Variants in KANSL1L observed in about 807,000 individuals in gnomAD.
KANSL1L encodes the protein KAT8 regulatory NSL complex subunit 1-like protein.
A neutral mutation model predicts 108.6 loss-of-function variants in KANSL1L; 25 were observed. The ratio of observed to expected loss-of-function variants is 0.23; its 90% confidence interval spans 0.17 to 0.32. The LOEUF is 0.32. KANSL1L is among the 10% of genes least tolerant of loss of function. KANSL1L has a pLI of 1.00. For missense variants in KANSL1L, 1,137 were observed against 1,125.7 expected, an observed-to-expected ratio of 1.01 and a Z score of -0.14; for synonymous variants, 405 against 395.1, an observed-to-expected ratio of 1.03 and a Z score of -0.30.
chr2:210,065,579 A>ATTTTTTT (rs57999970), intron 6 of KANSL1L, among the ~76,000 whole-genome samples: 2 of 64,906 alleles, frequency 3.1e-5, no homozygotes, highest in Admixed American at 1.9e-4. Flanking sequence ...CCTGGACATG[A>ATTTTTTT]TTTTTTTTTT....
Position 210,139,787 on chromosome 2 carries a change from G to A in KANSL1L, c.1089-10615C>T, listed in dbSNP as rs377048922. Among the ~76,000 whole-genome samples the A allele has an allele frequency of 1.3e-4, 20 of 150,062 alleles. 1 individual carries two copies. Among genetic ancestry groups the A allele is most frequent in the African/African-American group, 4.7e-4 (19 of 40,672 alleles). On this transcript the variant is annotated intron_variant, in intron 2 of 14. Transcript: ENST00000281772. ...GACAGGGTCTCTTTCTGTCACCAAG[G>A]CTGGAGTGCAGAGGCGCAATCTTGG...
At chr2:210,108,107 A>G (rs1031620433) in intron 3 of KANSL1L, among the ~76,000 whole-genome samples, 1 of 152,192 alleles carries the variant, frequency 6.6e-6, no homozygotes, top group African/African-American at 2.4e-5. Flanking sequence ...AAGCTATAAG[A>G]GCAAGGAAAG....
At chr2:210,171,527 G>A (rs145091543), upstream of KANSL1L, 864 of 153,402 alleles carry the variant, frequency 5.6e-3, 6 homozygotes, top group Non-Finnish European at 7.9e-3. Context: ...GAAGCGGCTC[G>A]GAGTGTTCTG....
intron 6 of KANSL1L, among the ~76,000 whole-genome samples, chr2:210,065,348 G>A (rs1559528126): frequency 7.7e-6 from 1 of 130,602 alleles, no homozygotes; most frequent in Non-Finnish European, 1.6e-5. Flanking sequence ...AGAAGTTAGA[G>A]AAAACAGAGC....
At chr2:210,066,487 C>A (rs13405054) in intron 6 of KANSL1L, among the ~76,000 whole-genome samples, 1 of 152,208 alleles carries the variant, frequency 6.6e-6, no homozygotes. Context: ...CAAAGATATA[C>A]AGCATAATGA....
intron 13 of KANSL1L, among the ~76,000 whole-genome samples, chr2:210,024,775 A>G (rs78226430): frequency 0.018 from 2,689 of 152,288 alleles, 90 homozygotes; most frequent in African/African-American, 0.062. Context: ...CCTAAACTCC[A>G]GTCCCCAGTG....
intron 5 of KANSL1L, among the ~76,000 whole-genome samples, chr2:210,081,747 AC>A (rs1322012102): frequency 2.6e-5 from 4 of 152,216 alleles, no homozygotes; most frequent in Non-Finnish European, 5.9e-5. Context: ...TGGGTTTAGT[AC>A]AGCATATGCA....
intron 3 of KANSL1L, among the ~76,000 whole-genome samples, chr2:210,121,955 C>T (rs931617524): frequency 6.6e-6 from 1 of 151,944 alleles, no homozygotes; most frequent in African/African-American, 2.4e-5. Flanking sequence ...ACAAATAAAA[C>T]AGAATACCTA....
At chr2:210,092,922 T>A (rs1394884416) in intron 5 of KANSL1L, among the ~76,000 whole-genome samples, 3 of 151,212 alleles carry the variant, frequency 2.0e-5, no homozygotes, top group Non-Finnish European at 2.9e-5. Flanking sequence ...CAAAGATAGG[T>A]TTTTTGTTTT....
chr2:210,106,312 T>G lies in KANSL1L; in HGVS notation c.1231-2011A>C, dbSNP rs536375836. On this transcript the variant is annotated intron_variant, in intron 3 of 14. Transcript: ENST00000281772. ...TGTATAGATTAGTCTGATATCAGTCTGTATAGATTAGTCTGATTTCAGAAT... is the reference window on the plus strand; with the variant it reads ...TGTATAGATTAGTCTGATATCAGTCGGTATAGATTAGTCTGATTTCAGAAT... 2.0e-5 allele frequency among the ~76,000 whole-genome samples: 3 copies of G among 152,312 alleles called. No individual in the cohort carries two copies. The East Asian group carries it at 5.8e-4, about 29-fold the overall frequency.
chr2:210,170,067 C>A (rs1459137369), intron 1 of KANSL1L, among the ~76,000 whole-genome samples: 1 of 152,134 alleles, frequency 6.6e-6, no homozygotes, highest in Admixed American at 6.5e-5. Flanking sequence ...AGGCAGAGAC[C>A]ACTCACTGTT....
At chr2:210,100,637 A>G (rs1018100730) in intron 4 of KANSL1L, among the ~76,000 whole-genome samples, 1 of 152,082 alleles carries the variant, frequency 6.6e-6, no homozygotes, top group African/African-American at 2.4e-5. Flanking sequence ...ATCTTCCTCA[A>G]CAAGTTTTTT....
intron 5 of KANSL1L, among the ~76,000 whole-genome samples, chr2:210,081,876 T>TGA (rs1559541685): frequency 6.6e-6 from 1 of 152,190 alleles, no homozygotes; most frequent in African/African-American, 2.4e-5. Flanking sequence ...TAAAAAAAGA[T>TGA]ATATATTTCC....
In KANSL1L at chr2:210,044,158, T is replaced by C; in HGVS notation, c.1756-54A>G. ...ACAGCCAAAGCATCCATAAATGGCA[T>C]ATCTCTACATTTATTTAGGTTATCT... On this transcript the variant is annotated intron_variant, in intron 6 of 14. Transcript: ENST00000281772. This position sits in a 1 kb window ranked among gnomAD's most constrained non-coding sequence, Gnocchi z 4.2. The C allele has an allele frequency of 8.4e-7, 1 of 1,189,530 alleles. No individual in the cohort carries two copies. Among genetic ancestry groups the C allele is most frequent in the Non-Finnish European group, 1.1e-6 (1 of 879,782 alleles). 73.7% of individuals were successfully genotyped at this position (1,189,530 alleles called of 1,614,324 possible).
chr2:210,122,205 C>G (rs1183607356), intron 3 of KANSL1L, among the ~76,000 whole-genome samples: 1 of 152,052 alleles, frequency 6.6e-6, no homozygotes, highest in Non-Finnish European at 1.5e-5. Flanking sequence ...TATGGAACCA[C>G]AAAAGACCCA....
chr2:210,158,343 T>C (rs562206628), intron 1 of KANSL1L, among the ~76,000 whole-genome samples: 5 of 152,170 alleles, frequency 3.3e-5, no homozygotes, highest in Admixed American at 1.3e-4. Context: ...TAGCAAAGAA[T>C]CTGAGGCCTG....
intron 2 of KANSL1L, among the ~76,000 whole-genome samples, chr2:210,132,425 A>G (rs1036866488): frequency 1.3e-5 from 2 of 152,132 alleles, no homozygotes; most frequent in Non-Finnish European, 2.9e-5. Flanking sequence ...TGGGTTCCCT[A>G]TCTCTAGTAA....
intron 6 of KANSL1L, among the ~76,000 whole-genome samples, chr2:210,069,859 C>T (rs1232513057): frequency 2.0e-5 from 2 of 99,406 alleles, no homozygotes; most frequent in African/African-American, 4.1e-5. Context: ...GACAGAGTCT[C>T]ACTCTGTCAC....
chr2:210,151,085 G>A (rs2095300252), intron 2 of KANSL1L, among the ~76,000 whole-genome samples: 2 of 151,926 alleles, frequency 1.3e-5, no homozygotes, highest in African/African-American at 4.8e-5. Flanking sequence ...GGGTGATACG[G>A]GCTCACTGCA....
Sources: allele counts gnomAD v4.1 joint callset (sites outside exome capture counted in the v4.1 genomes callset), GRCh38; gene constraint gnomAD v4.1.1; non-coding constraint Gnocchi (gnomAD v3.1); transcripts MANE v1.5; gene names NCBI Gene and HGNC (gene_info 2026-07-23, HGNC 2026-07-21).